Variants in SPTBN1 observed in about 807,000 individuals in gnomAD.
SPTBN1 encodes the protein spectrin beta chain, non-erythrocytic 1.
In SPTBN1, 32 loss-of-function variants were observed where a neutral mutation model predicts 266.4. The ratio of observed to expected loss-of-function variants is 0.12; its 90% CI spans 0.09 to 0.16. The LOEUF is 0.16. SPTBN1 is among the 10% of genes least tolerant of loss of function. The pLI, the probability that SPTBN1 is intolerant of heterozygous loss-of-function variation, is 1.00. For missense variants in SPTBN1, 2,296 were observed against 3,067.1 expected, an observed-to-expected ratio of 0.75 and a Z score of 5.94; for synonymous variants, 1,336 against 1,162.2, an observed-to-expected ratio of 1.15 and a Z score of -3.04.
intron 2 of SPTBN1, among the ~76,000 whole-genome samples, chr2:54,553,750 G>T (rs1345440769): frequency 6.6e-6 from 1 of 152,150 alleles, no homozygotes; most frequent in Non-Finnish European, 1.5e-5. Flanking sequence ...ATCACATTTT[G>T]TCATTTTGGA....
intron 28 of SPTBN1, 106 bp from the exon 29 acceptor site, chr2:54,655,808 A>G: frequency 2.6e-6 from 2 of 779,028 alleles, no homozygotes; most frequent in Non-Finnish European, 4.2e-6. Flanking sequence ...CTCCCAGCTT[A>G]ATGGTGGTCT....
chr2:54,533,349 AGTGTGTGTGTGTGTGTGTGTGTGT>A lies in SPTBN1; in HGVS notation c.148+6806_148+6829del, dbSNP rs56027497. On this transcript the variant is annotated intron_variant, in intron 2 of 35. Coordinates refer to ENST00000356805, the MANE Select transcript of SPTBN1 (RefSeq NM_003128.3). This position sits in a 1 kb window ranked among gnomAD's most constrained non-coding sequence, Gnocchi z 4.2. ...AGTGAAACCCAGGCTAAAGGGGACT[AGTGTGTGTGTGTGTGTGTGTGTGT>A]GTGTGTGTGTGTGTGTGTGTGTCTA... 3.5e-5 allele frequency among the ~76,000 whole-genome samples: 5 copies of A among 141,884 alleles called. No individual in the cohort carries two copies. Among genetic ancestry groups the A allele is most frequent in the African/African-American group, 8.0e-5 (3 of 37,702 alleles). 93.1% of individuals were successfully genotyped at this position (141,884 alleles called of 152,430 possible).
At chr2:54,632,805 C>G (rs753315140) in intron 17 of SPTBN1, 37 bp downstream of exon 17, 2 of 1,602,398 alleles carry the variant, frequency 1.2e-6, no homozygotes, top group Admixed American at 3.4e-5. Flanking sequence ...AGCCTTGCAC[C>G]TTGGGGCTCT....
At chr2:54,567,794 A>G (rs1673764817) in intron 2 of SPTBN1, among the ~76,000 whole-genome samples, 1 of 152,114 alleles carries the variant, frequency 6.6e-6, no homozygotes, top group African/African-American at 2.4e-5. Context: ...CTCTCTATAT[A>G]TATAGAAAGG....
In SPTBN1 at chr2:54,591,685, C is replaced by G. The variant is rs183375250; in HGVS notation, c.149-7407C>G. Among the ~76,000 whole-genome samples the G allele has an allele frequency of 2.0e-3, 304 of 152,324 alleles. 2 individuals carry two copies. The highest frequency in any genetic ancestry group is 7.0e-3 in the African/African-American group (293 of 41,570). Reference sequence around the variant, plus strand: ...CTTCATTCCTGGCTCCCATCCCTTTCCATAACCAGAACTGTGGCATATGGT... The same window carrying G: ...CTTCATTCCTGGCTCCCATCCCTTTGCATAACCAGAACTGTGGCATATGGT... On this transcript the variant is annotated intron_variant, in intron 2 of 35. Coordinates refer to ENST00000356805, the MANE Select transcript of SPTBN1 (RefSeq NM_003128.3).
intron 2 of SPTBN1, among the ~76,000 whole-genome samples, chr2:54,541,046 T>G (rs1671904488): frequency 6.6e-6 from 1 of 152,308 alleles, no homozygotes. Context: ...CCTAAATCCA[T>G]GCCACTAGCA....
chr2:54,638,039 C>T (rs989203624), intron 18 of SPTBN1, among the ~76,000 whole-genome samples: 2 of 152,294 alleles, frequency 1.3e-5, no homozygotes, highest in East Asian at 3.9e-4. Context: ...CTGCACTGTT[C>T]ATTACAGTAG....
intron 1 of SPTBN1, among the ~76,000 whole-genome samples, chr2:54,470,153 T>C (rs917439251): frequency 6.6e-6 from 1 of 152,250 alleles, no homozygotes; most frequent in Non-Finnish European, 1.5e-5. Context: ...TCTTGCTTAA[T>C]TCATAAAAGG....
At chr2:54,632,804 C>A in intron 17 of SPTBN1, 36 bp downstream of exon 17, 6 of 1,602,926 alleles carry the variant, frequency 3.7e-6, no homozygotes, top group Non-Finnish European at 5.1e-6. Flanking sequence ...GAGCCTTGCA[C>A]CTTGGGGCTC....
chr2:54,645,811 G>A lies in SPTBN1; in HGVS notation c.4495-117G>A, dbSNP rs1280968608. On this transcript the variant is annotated intron_variant, in intron 21 of 35. Transcript: ENST00000356805. The surrounding 1 kb of genome is among the most constrained non-coding windows in gnomAD (Gnocchi z 4.3). ...GCTTCCCCAGACAGCCCTCCCGAGGGGGCTGAGCACTCTCTGAAGCTCACC... is the reference window on the plus strand; with the variant it reads ...GCTTCCCCAGACAGCCCTCCCGAGGAGGCTGAGCACTCTCTGAAGCTCACC... 3.3e-5 allele frequency: 37 copies of A among 1,123,466 alleles called. No individual in the cohort carries two copies. Among genetic ancestry groups the A allele is most frequent in the Middle Eastern group, 4.3e-4 (2 of 4,644 alleles). The allele number at this position is 1,123,466 out of a possible 1,614,324, so 69.6% of individuals were successfully genotyped here. A position where few individuals can be genotyped will look rare whatever the true frequency, so the allele number is the denominator to read the frequency against.
chr2:54,476,018 C>T (rs1667805453), intron 1 of SPTBN1, among the ~76,000 whole-genome samples: 1 of 151,984 alleles, frequency 6.6e-6, no homozygotes, highest in South Asian at 2.1e-4. Flanking sequence ...TTTGTCACTT[C>T]TGGTCACTAT....
intron 26 of SPTBN1, among the ~76,000 whole-genome samples, chr2:54,651,622 T>C (rs901087415): frequency 6.6e-6 from 1 of 152,190 alleles, no homozygotes; most frequent in Non-Finnish European, 1.5e-5. Context: ...AAAGCAATAG[T>C]TCATATTTGT....
intron 2 of SPTBN1, among the ~76,000 whole-genome samples, chr2:54,546,990 T>G (rs1411133554): frequency 6.6e-6 from 1 of 151,768 alleles, no homozygotes; most frequent in Non-Finnish European, 1.5e-5. Context: ...TAACATAAGG[T>G]TTACCATGTT....
chr2:54,608,414 C>T (rs1676994439), intron 3 of SPTBN1, among the ~76,000 whole-genome samples: 1 of 152,106 alleles, frequency 6.6e-6, no homozygotes, highest in Non-Finnish European at 1.5e-5. Flanking sequence ...AAAGATGGGC[C>T]TTGGCCTGAG....
At chr2:54,591,637 A>T (rs1675689192) in intron 2 of SPTBN1, among the ~76,000 whole-genome samples, 1 of 152,082 alleles carries the variant, frequency 6.6e-6, no homozygotes. Flanking sequence ...CCATCCGGAG[A>T]TGTTCCATGC....
chr2:54,617,229 A>G (rs1677666299), intron 5 of SPTBN1, among the ~76,000 whole-genome samples: 1 of 152,254 alleles, frequency 6.6e-6, no homozygotes, highest in African/African-American at 2.4e-5. Context: ...GTCCCAAAGT[A>G]ACGTGTGACA....
chr2:54,579,924 G>A (rs1674765831), intron 2 of SPTBN1, among the ~76,000 whole-genome samples: 1 of 152,206 alleles, frequency 6.6e-6, no homozygotes, highest in African/African-American at 2.4e-5. Context: ...AACTTGAATG[G>A]GTGTTTCTTC....
chr2:54,570,782 G>A (rs557790032), intron 2 of SPTBN1, among the ~76,000 whole-genome samples: 80 of 152,248 alleles, frequency 5.3e-4, no homozygotes, highest in Non-Finnish European at 9.4e-4. Context: ...GATAAATTTC[G>A]AAGGTCTATT....
In SPTBN1 at chr2:54,558,366, C is replaced by A; in HGVS notation, c.148+31800C>A. ...AGTGGCTCCTGATAAAATTACAAAC[C>A]GGCGGCCGCCGCGGGCAGCTGGGAG... is the stretch of plus-strand genomic sequence containing the variant. On this transcript the variant is annotated intron_variant, in intron 2 of 35. Transcript: ENST00000356805. The surrounding 1 kb of genome is among the most constrained non-coding windows in gnomAD (Gnocchi z 4.6). The A allele has an allele frequency of 2.0e-6, 2 of 999,708 alleles. No homozygotes were observed. The highest frequency in any genetic ancestry group is 2.4e-6 in the Non-Finnish European group (2 of 839,398). 61.9% of individuals were successfully genotyped at this position (999,708 alleles called of 1,614,324 possible).
Sources: allele counts gnomAD v4.1 joint callset (sites outside exome capture counted in the v4.1 genomes callset), GRCh38; gene constraint gnomAD v4.1.1; non-coding constraint Gnocchi (gnomAD v3.1); transcripts MANE v1.5; gene names NCBI Gene and HGNC (gene_info 2026-07-23, HGNC 2026-07-21).